The following CHSY3 variants were observed in gnomAD, a reference collection of about 807,000 sequenced individuals.
CHSY3 encodes chondroitin sulfate synthase 3.
Under a neutral mutation model 67.2 loss-of-function variants are expected in CHSY3, and 35 were observed. That is an observed-to-expected ratio of 0.52 (90% CI 0.40 to 0.69). The LOEUF (loss-of-function observed/expected upper bound fraction) is 0.69, where lower values mean the gene tolerates loss of function less well. Ranked by LOEUF, CHSY3 falls within the 30% of genes least tolerant of loss-of-function variation. CHSY3 has a pLI of 0.00. For synonymous variants in CHSY3, 474 were observed against 434.7 expected, an observed-to-expected ratio of 1.09 and a Z score of -1.12; for missense variants, 1,069 against 1,138.5, an observed-to-expected ratio of 0.94 and a Z score of 0.88.
intron 2 of CHSY3, among the ~76,000 whole-genome samples, chr5:130,000,357 G>A (rs1763684226): frequency 6.6e-6 from 1 of 152,204 alleles, no homozygotes; most frequent in Non-Finnish European, 1.5e-5. Context: ...AGTAGTGGAA[G>A]AGTTGATCAT....
chr5:130,051,519 A>G lies in CHSY3; in HGVS notation c.1087-132710A>G, dbSNP rs186503440. On this transcript the variant is annotated intron_variant, in intron 2 of 2. Transcript: ENST00000305031. ...GGGAAGAAAACTCATACCACATGGTATATATGTAATAGAACCCCAAAGAAT... is the reference window on the plus strand; with the variant it reads ...GGGAAGAAAACTCATACCACATGGTGTATATGTAATAGAACCCCAAAGAAT... Among the ~76,000 whole-genome samples, 44 of 152,200 alleles carry G rather than the reference A, an allele frequency of 2.9e-4. No individual in the cohort carries two copies. The East Asian group carries it at 8.3e-3, about 29-fold the overall frequency.
chr5:129,946,880 A>G (rs1414250353), intron 2 of CHSY3, among the ~76,000 whole-genome samples: 1 of 152,228 alleles, frequency 6.6e-6, no homozygotes, highest in Non-Finnish European at 1.5e-5. Flanking sequence ...GAATAATACT[A>G]CAATGAACAT....
intron 2 of CHSY3, among the ~76,000 whole-genome samples, chr5:129,952,568 C>T (rs1422818690): frequency 6.6e-6 from 1 of 152,066 alleles, no homozygotes; most frequent in Non-Finnish European, 1.5e-5. Context: ...TATTTTCTAC[C>T]AAATGCCTTT....
At chr5:130,020,929 T>C (rs1331179767) in intron 2 of CHSY3, among the ~76,000 whole-genome samples, 1 of 152,136 alleles carries the variant, frequency 6.6e-6, no homozygotes, top group Non-Finnish European at 1.5e-5. Flanking sequence ...TCTTCTCAAC[T>C]CTTTGGTATA....
chr5:130,031,760 A>C (rs1257871715), intron 2 of CHSY3, among the ~76,000 whole-genome samples: 1 of 152,192 alleles, frequency 6.6e-6, no homozygotes, highest in Non-Finnish European at 1.5e-5. Context: ...AATTGAATCT[A>C]ATGGACATAG....
chr5:130,062,997 G>A (rs1158872075), intron 2 of CHSY3, among the ~76,000 whole-genome samples: 1 of 151,922 alleles, frequency 6.6e-6, no homozygotes, highest in African/African-American at 2.4e-5. Context: ...TGTTGAGTGT[G>A]GCTTCTTTTA....
intron 2 of CHSY3, among the ~76,000 whole-genome samples, chr5:130,021,546 C>T: frequency 6.6e-6 from 1 of 151,980 alleles, no homozygotes; most frequent in Non-Finnish European, 1.5e-5. Context: ...AAAGAATGTT[C>T]ACACAACCTG....
intron 2 of CHSY3, among the ~76,000 whole-genome samples, chr5:130,099,885 T>A (rs914657303): frequency 2.6e-5 from 4 of 152,274 alleles, no homozygotes; most frequent in African/African-American, 9.6e-5. Context: ...CTGGTGCAGT[T>A]GTTTCTAAAT....
At chr5:130,047,461 GA>G (rs200991332) in intron 2 of CHSY3, among the ~76,000 whole-genome samples, 1 of 152,152 alleles carries the variant, frequency 6.6e-6, no homozygotes, top group East Asian at 1.9e-4. Flanking sequence ...TACATTGTAG[GA>G]AAGAATTGTC....
intron 2 of CHSY3, among the ~76,000 whole-genome samples, chr5:129,917,790 A>G (rs1385292966): frequency 6.6e-6 from 1 of 152,154 alleles, no homozygotes; most frequent in East Asian, 1.9e-4. Flanking sequence ...AGAATTTTCA[A>G]TGGACTTTGA....
intron 2 of CHSY3, among the ~76,000 whole-genome samples, chr5:130,126,335 C>T (rs1768287094): frequency 6.6e-6 from 1 of 151,936 alleles, no homozygotes; most frequent in African/African-American, 2.4e-5. Context: ...ATTAGATAAT[C>T]TTACTATTCT....
chr5:130,177,942 C>CT (rs1294972392), intron 2 of CHSY3, among the ~76,000 whole-genome samples: 1 of 151,564 alleles, frequency 6.6e-6, no homozygotes, highest in Non-Finnish European at 1.5e-5. Flanking sequence ...CACAAATTTT[C>CT]TTTTTTTGTC....
At chr5:130,155,592 T>C (rs1195893688) in intron 2 of CHSY3, among the ~76,000 whole-genome samples, 1 of 152,220 alleles carries the variant, frequency 6.6e-6, no homozygotes, top group African/African-American at 2.4e-5. Flanking sequence ...CTGTTTAAAA[T>C]TGAAAAGCCT....
intron 2 of CHSY3, among the ~76,000 whole-genome samples, chr5:130,173,285 AT>A (rs1296634219): frequency 6.6e-6 from 1 of 152,152 alleles, no homozygotes; most frequent in Non-Finnish European, 1.5e-5. Flanking sequence ...TTGCATCATA[AT>A]TTTTTAAATT....
chr5:130,130,399 G>A (rs915291156), intron 2 of CHSY3, among the ~76,000 whole-genome samples: 1 of 152,064 alleles, frequency 6.6e-6, no homozygotes, highest in African/African-American at 2.4e-5. Flanking sequence ...TCTGATCTCA[G>A]GTTCCTTCCC....
At chr5:129,957,100 T>C (rs1364971487) in intron 2 of CHSY3, among the ~76,000 whole-genome samples, 2 of 152,206 alleles carry the variant, frequency 1.3e-5, no homozygotes, top group African/African-American at 4.8e-5. Context: ...TCAATGAGCA[T>C]GGAATGTTTT....
At chr5:129,972,521 C>CTAAGTACTTTTTACAT (rs1167941818) in intron 2 of CHSY3, among the ~76,000 whole-genome samples, 1 of 151,456 alleles carries the variant, frequency 6.6e-6, no homozygotes, top group Non-Finnish European at 1.5e-5. Context: ...TTTTTTTCCC[C>CTAAGTACTTTTTACAT]TAAGTAAAAG....
intron 2 of CHSY3, among the ~76,000 whole-genome samples, chr5:130,156,671 A>T (rs530271285): frequency 2.6e-5 from 4 of 152,330 alleles, no homozygotes; most frequent in African/African-American, 2.4e-5. Flanking sequence ...GTAAAGACAT[A>T]GATGGTTTTG....
At chr5:129,994,321 C>G (rs1459906840) in intron 2 of CHSY3, among the ~76,000 whole-genome samples, 5 of 152,090 alleles carry the variant, frequency 3.3e-5, no homozygotes, top group Non-Finnish European at 7.4e-5. Flanking sequence ...CAACTTGGTT[C>G]CATTCTCCCT....
Sources: allele counts gnomAD v4.1 joint callset (sites outside exome capture counted in the v4.1 genomes callset), GRCh38; gene constraint gnomAD v4.1.1; transcripts MANE v1.5; gene names NCBI Gene and HGNC (gene_info 2026-07-23, HGNC 2026-07-21).